Variants in CSMD1 observed in about 807,000 individuals in gnomAD.
CSMD1 encodes CUB and Sushi multiple domains 1, also known as CUB and sushi domain-containing protein 1.
Under a neutral mutation model 417.5 loss-of-function variants are expected in CSMD1, and 213 were observed. The ratio of observed to expected loss-of-function variants is 0.51; its 90% CI spans 0.46 to 0.57. The LOEUF (loss-of-function observed/expected upper bound fraction) is 0.57. Ranked by LOEUF, CSMD1 falls within the 20% of genes least tolerant of loss-of-function variation. The probability of loss-of-function intolerance (pLI) is 0.00; values close to 1 mark genes in which losing one functional copy is unlikely to be tolerated. For synonymous variants in CSMD1, 2,862 were observed against 1,736.8 expected (o/e 1.65, Z -16.11); for missense variants, 6,923 against 4,529.7 (o/e 1.53, Z -15.17).
chr8:4,766,693 T>A (rs1460369945), intron 1 of CSMD1, among the ~76,000 whole-genome samples: 1 of 152,190 alleles, frequency 6.6e-6, no homozygotes, highest in African/African-American at 2.4e-5. Context: ...GGGAATGAAC[T>A]CCGAACTCAG....
rs148686557 is a variant in CSMD1, at chr8:4,898,510, G to A, written c.85+95822C>T. ...TGCTTGCCTGCTCACTCCCATTACA[G>A]AAGGACAATAAAACAGGTCTTTATG... On this transcript the variant is annotated intron_variant, in intron 1 of 69. Coordinates refer to ENST00000635120, the MANE Select transcript of CSMD1 (RefSeq NM_033225.6). 2.0e-5 allele frequency among the ~76,000 whole-genome samples: 3 copies of A among 152,300 alleles called. No individual in the cohort carries two copies. In the East Asian group the frequency reaches 5.8e-4, roughly 29 times the overall value.
intron 18 of CSMD1, among the ~76,000 whole-genome samples, chr8:3,379,254 A>T (rs1810489826): frequency 6.6e-6 from 1 of 151,988 alleles, no homozygotes; most frequent in South Asian, 2.1e-4. Flanking sequence ...GAGAGGACAC[A>T]AACAAATAAA....
At chr8:4,181,957 C>CGT (rs146690880) in intron 3 of CSMD1, among the ~76,000 whole-genome samples, 44,603 of 150,028 alleles carry the variant, frequency 0.3, 6,732 homozygotes, top group South Asian at 0.41. Context: ...TCTGTGTCTG[C>CGT]GTGTGTGTGT....
At chr8:3,401,690 C>G (rs1438357065) in intron 15 of CSMD1, among the ~76,000 whole-genome samples, 1 of 152,068 alleles carries the variant, frequency 6.6e-6, no homozygotes, top group East Asian at 1.9e-4. Flanking sequence ...TCTTCAGTTG[C>G]TATGGCAGGT....
At chr8:3,683,952 A>C (rs1799801261) in intron 7 of CSMD1, among the ~76,000 whole-genome samples, 1 of 152,050 alleles carries the variant, frequency 6.6e-6, no homozygotes, top group South Asian at 2.1e-4. Context: ...AGGACAATGC[A>C]CACCTTTTGC....
Position 3,406,082 on chromosome 8 carries a change from G to C in CSMD1, c.2211C>G (p.Thr737=), listed in dbSNP as rs1342293385. Residue 737 remains threonine (T), a synonymous_variant, in exon 15 of 70, where the codon ACC becomes ACG. Transcript: ENST00000635120. ...FVKTQGSESI[T]CILQDGNVVW... Reference sequence around the variant, plus strand: ...CCACGTTCCCGTCTTGCAGTATGCAGGTAATGGACTCGGATCCCTGGGTCT... The same window carrying C: ...CCACGTTCCCGTCTTGCAGTATGCACGTAATGGACTCGGATCCCTGGGTCT... The C allele has an allele frequency of 6.2e-6, 10 of 1,613,984 alleles. No individual in the cohort carries two copies. Among genetic ancestry groups the C allele is most frequent in the East Asian group, 2.2e-5 (1 of 44,858 alleles).
At chr8:3,883,454 G>A (rs2688287) in intron 5 of CSMD1, among the ~76,000 whole-genome samples, 5,078 of 152,092 alleles carry the variant, frequency 0.033, 292 homozygotes, top group African/African-American at 0.12. Flanking sequence ...ATGTATGCTC[G>A]TGTATAAGTG....
intron 5 of CSMD1, among the ~76,000 whole-genome samples, chr8:3,787,494 A>T (rs1403076423): frequency 6.6e-6 from 1 of 152,210 alleles, no homozygotes; most frequent in Admixed American, 6.5e-5. Context: ...CAAAAAAATG[A>T]CAGCTTATCA....
At chr8:4,303,028 T>C (rs1353726933) in intron 3 of CSMD1, among the ~76,000 whole-genome samples, 3 of 152,326 alleles carry the variant, frequency 2.0e-5, no homozygotes, top group Middle Eastern at 3.4e-3. Context: ...AATGGCACTT[T>C]TGTGTTTAGG....
chr8:3,447,216 C>T (rs997111058), intron 12 of CSMD1, among the ~76,000 whole-genome samples: 2 of 152,164 alleles, frequency 1.3e-5, no homozygotes, highest in Non-Finnish European at 2.9e-5. Context: ...CAGCATGCGT[C>T]TGCATCTATC....
chr8:3,414,306 G>A (rs17066053), intron 12 of CSMD1, among the ~76,000 whole-genome samples: 1,868 of 147,240 alleles, frequency 0.013, 41 homozygotes, highest in African/African-American at 0.044. Context: ...AGGGGCCTAC[G>A]GAAAATATTG....
chr8:3,897,713 G>A (rs1387502560), intron 5 of CSMD1, among the ~76,000 whole-genome samples: 1 of 152,078 alleles, frequency 6.6e-6, no homozygotes, highest in Non-Finnish European at 1.5e-5. Context: ...ATCCCGTGAG[G>A]AAGCCCTATT....
At chr8:4,070,470 A>G (rs767787635) in intron 3 of CSMD1, among the ~76,000 whole-genome samples, 109 of 151,900 alleles carry the variant, frequency 7.2e-4, no homozygotes, top group Middle Eastern at 6.8e-3. Flanking sequence ...CCATTCTCCC[A>G]CCTCAGCCTC....
chr8:4,770,637 T>C lies in CSMD1; in HGVS notation c.86-133079A>G, dbSNP rs553136267. Among the ~76,000 whole-genome samples, 230 of 152,120 alleles carry C rather than the reference T, an allele frequency of 1.5e-3. 1 individual carries two copies. Among genetic ancestry groups the C allele is most frequent in the South Asian group, 0.013 (61 of 4,820 alleles). Reference sequence around the variant, plus strand: ...AGGCACATGGACCAGCGGAAGAGAATAGAGAGCTGAAATAAATCCAAGCAT... The same window carrying C: ...AGGCACATGGACCAGCGGAAGAGAACAGAGAGCTGAAATAAATCCAAGCAT... On this transcript the variant is annotated intron_variant, in intron 1 of 69. Transcript: ENST00000635120.
intron 3 of CSMD1, among the ~76,000 whole-genome samples, chr8:4,256,699 G>A (rs905385009): frequency 8.6e-5 from 13 of 150,302 alleles, no homozygotes; most frequent in African/African-American, 3.0e-4. Flanking sequence ...GATGGGCCGG[G>A]CGTGGTGTGG....
chr8:3,962,215 G>C (rs1812377500), intron 5 of CSMD1, among the ~76,000 whole-genome samples: 1 of 152,082 alleles, frequency 6.6e-6, no homozygotes. Flanking sequence ...GGATTGTTTT[G>C]CACCTGTCAA....
rs1040316720 is a variant in CSMD1 at position 3,101,806 on chromosome 8, T to TC, written c.6949+4721_6949+4722insG. Among the ~76,000 whole-genome samples, 7 of 144,892 alleles carry TC rather than the reference T, an allele frequency of 4.8e-5. 1 individual carries two copies. Among genetic ancestry groups the TC allele is most frequent in the African/African-American group, 1.8e-4 (7 of 39,452 alleles). ...TTTTGTTTCTTTCTTTTTCTTTTTT[T>TC]TTTTTTTTTTTTTTAGACAGAGTCT... is the stretch of plus-strand genomic sequence containing the variant. On this transcript the variant is annotated intron_variant, in intron 46 of 69. Coordinates refer to ENST00000635120, the MANE Select transcript of CSMD1 (RefSeq NM_033225.6).
chr8:4,709,903 G>A (rs1174880657), intron 1 of CSMD1, among the ~76,000 whole-genome samples: 1 of 152,258 alleles, frequency 6.6e-6, no homozygotes, highest in East Asian at 1.9e-4. Context: ...ATCTGAAATG[G>A]CCCAAGGATT....
At chr8:4,402,819 TTC>T (rs1344420151) in intron 3 of CSMD1, among the ~76,000 whole-genome samples, 2,378 of 67,124 alleles carry the variant, frequency 0.035, 36 homozygotes, top group African/African-American at 0.11. Flanking sequence ...TTTTTTTTTT[TTC>T]TTTTTTTTTT....
Sources: allele counts gnomAD v4.1 joint callset (sites outside exome capture counted in the v4.1 genomes callset), GRCh38; gene constraint gnomAD v4.1.1; transcripts MANE v1.5; gene names NCBI Gene and HGNC (gene_info 2026-07-23, HGNC 2026-07-21).